Variants in TRERF1 observed in about 807,000 individuals in gnomAD.
TRERF1 encodes the protein transcriptional regulating factor 1.
A neutral mutation model predicts 122.9 loss-of-function variants in TRERF1; 27 were observed. That is an observed-to-expected ratio of 0.22 (90% confidence interval 0.16 to 0.30). TRERF1 has a LOEUF of 0.30. Ranked by LOEUF, TRERF1 falls within the 10% of genes least tolerant of loss-of-function variation. The pLI is 1.00. For missense variants in TRERF1, 1,248 were observed against 1,560.3 expected (o/e 0.80, Z 3.37); for synonymous variants, 636 against 641.7 (o/e 0.99, Z 0.13).
chr6:42,233,745 T>G (rs73733122), intron 16 of TRERF1, among the ~76,000 whole-genome samples: 1 of 152,058 alleles, frequency 6.6e-6, no homozygotes, highest in African/African-American at 2.4e-5. Context: ...ATGGAGACAG[T>G]GCCCCAGAAT....
At position 42,268,421 on chromosome 6, in the gene TRERF1, GA is replaced by G; in HGVS notation, c.1169del (p.Leu390ProfsTer18). On this transcript the variant is annotated frameshift_variant, in exon 5 of 18. Coordinates refer to ENST00000372922, the Ensembl canonical transcript of TRERF1. LOFTEE classifies it high-confidence loss of function. This position sits in a 1 kb window ranked among gnomAD's most constrained non-coding sequence, Gnocchi z 4.4. ...GCTGGGACAGGTGGCTCTGCTGGTA[GA>G]GGGGGTGGCTGTAGGGCTGCTGGGG... 6.4e-7 allele frequency: 1 copy of G among 1,562,542 alleles called. No individual in the cohort carries two copies. The highest frequency in any genetic ancestry group is 2.2e-5 in the East Asian group (1 of 44,486).
At chr6:42,361,629 T>C (rs1211200324) in intron 3 of TRERF1, among the ~76,000 whole-genome samples, 1 of 152,168 alleles carries the variant, frequency 6.6e-6, no homozygotes, top group Non-Finnish European at 1.5e-5. Context: ...CACATCTACG[T>C]AGCTGACCTC....
intron 4 of TRERF1, among the ~76,000 whole-genome samples, chr6:42,280,596 C>A (rs13192360): frequency 0.027 from 4,160 of 152,278 alleles, 57 homozygotes; most frequent in Non-Finnish European, 0.037. Flanking sequence ...CCGTGCCTGA[C>A]GACATCTCCC....
In TRERF1 at chr6:42,286,462, C is replaced by A. The variant is rs1433346152; in HGVS notation, c.-259+14176G>T. Among the ~76,000 whole-genome samples the A allele has an allele frequency of 6.4e-5, 9 of 141,464 alleles. No individual in the cohort carries two copies. The East Asian group carries it at 1.8e-3, about 29-fold the overall frequency. 92.8% of individuals were successfully genotyped at this position (141,464 alleles called of 152,430 possible). On this transcript the variant is annotated intron_variant, in intron 4 of 17. Transcript: ENST00000372922. ...ATTTACAAGAAAAAAACAAACAACC[C>A]CATCAAAAAGTGGGCGAAGGACATG...
intron 8 of TRERF1, among the ~76,000 whole-genome samples, chr6:42,260,125 G>A (rs1777565083): frequency 6.6e-6 from 1 of 152,076 alleles, no homozygotes; most frequent in African/African-American, 2.4e-5. Context: ...GTTCTGAGAA[G>A]GGGACAGAAT....
chr6:42,249,787 T>C (rs543971372), intron 13 of TRERF1, among the ~76,000 whole-genome samples: 1 of 152,300 alleles, frequency 6.6e-6, no homozygotes. Flanking sequence ...CAAATGATAG[T>C]GCTCTGTGTG....
At chr6:42,318,937 C>T (rs1057256898) in intron 3 of TRERF1, among the ~76,000 whole-genome samples, 2 of 152,240 alleles carry the variant, frequency 1.3e-5, no homozygotes, top group Non-Finnish European at 2.9e-5. Context: ...TTCCCATCTC[C>T]TCCTGCAGCA....
intron 2 of TRERF1, among the ~76,000 whole-genome samples, chr6:42,450,295 C>G (rs1429993147): frequency 6.6e-6 from 1 of 152,226 alleles, no homozygotes; most frequent in Admixed American, 6.5e-5. Flanking sequence ...CCTCAATGAC[C>G]TGCTGAAAAG....
intron 3 of TRERF1, among the ~76,000 whole-genome samples, chr6:42,328,108 C>T (rs565255963): frequency 6.7e-6 from 1 of 148,742 alleles, no homozygotes; most frequent in African/African-American, 2.5e-5. Context: ...CGGGTTCAGG[C>T]GATTCTCATG....
At chr6:42,225,204 T>C (rs1769350334), downstream of TRERF1, 1 of 137,906 alleles carries the variant, frequency 7.3e-6, no homozygotes, top group South Asian at 2.1e-4. Context: ...AGTTTCCTTT[T>C]TTTTTCTTTT....
intron 2 of TRERF1, among the ~76,000 whole-genome samples, chr6:42,413,081 C>G (rs1781343934): frequency 6.6e-6 from 1 of 152,190 alleles, no homozygotes; most frequent in Non-Finnish European, 1.5e-5. Flanking sequence ...AGCCACAAAC[C>G]ATCTTCTACC....
At chr6:42,229,440 C>T (rs150096834) in intron 17 of TRERF1, among the ~76,000 whole-genome samples, 5 of 152,292 alleles carry the variant, frequency 3.3e-5, no homozygotes, top group East Asian at 1.9e-4. Flanking sequence ...GCCCAACCCA[C>T]GGTCAAAATT....
intron 3 of TRERF1, among the ~76,000 whole-genome samples, chr6:42,347,897 C>T (rs1359789499): frequency 1.3e-5 from 2 of 152,126 alleles, no homozygotes; most frequent in East Asian, 1.9e-4. Flanking sequence ...TAATACCGAA[C>T]GGGGAGCATT....
intron 2 of TRERF1, among the ~76,000 whole-genome samples, chr6:42,434,069 C>G (rs574482741): frequency 6.6e-6 from 1 of 151,764 alleles, no homozygotes; most frequent in East Asian, 1.9e-4. Context: ...TGCTTGACAA[C>G]AAAAAGGAAT....
intron 13 of TRERF1, among the ~76,000 whole-genome samples, chr6:42,248,047 G>A (rs866674338): frequency 1.4e-4 from 21 of 152,162 alleles, no homozygotes; most frequent in African/African-American, 5.1e-4. Context: ...TGCAGTACAG[G>A]AAACCCTAAT....
intron 17 of TRERF1, among the ~76,000 whole-genome samples, chr6:42,230,833 C>T (rs1770407105): frequency 6.6e-6 from 1 of 152,142 alleles, no homozygotes; most frequent in South Asian, 2.1e-4. Flanking sequence ...TCAAGCTGGG[C>T]TTAATCAGAC....
In TRERF1 at chr6:42,446,499, A is replaced by G. The variant is rs571906266; in HGVS notation, c.-454+4678T>C. ...TGGTTTCATCAGAGCACTGATCACAATTGGCAAGCTGTATTTCTTTACATG... is the reference window on the plus strand; with the variant it reads ...TGGTTTCATCAGAGCACTGATCACAGTTGGCAAGCTGTATTTCTTTACATG... On this transcript the variant is annotated intron_variant, in intron 2 of 17. Transcript: ENST00000372922. Among the ~76,000 whole-genome samples the G allele has an allele frequency of 3.3e-5, 5 of 152,276 alleles. No individual in the cohort carries two copies. In the East Asian group the frequency reaches 9.6e-4, roughly 29 times the overall value.
intron 16 of TRERF1, among the ~76,000 whole-genome samples, chr6:42,233,267 G>C (rs112944307): frequency 6.6e-6 from 1 of 151,160 alleles, no homozygotes; most frequent in African/African-American, 2.4e-5. Context: ...GAGAGGGCTG[G>C]ACCAGCTTTC....
intron 2 of TRERF1, among the ~76,000 whole-genome samples, chr6:42,439,087 A>C (rs985383982): frequency 3.9e-5 from 6 of 152,244 alleles, no homozygotes; most frequent in African/African-American, 1.4e-4. Flanking sequence ...ATGGCAGGCC[A>C]TGCCGTAGAA....
Sources: gnomAD v4.1 joint callset for allele counts (sites outside exome capture counted in the v4.1 genomes callset) on GRCh38, gnomAD v4.1.1 for gene constraint, Gnocchi (gnomAD v3.1) non-coding constraint, MANE v1.5 for transcripts, NCBI Gene and HGNC (gene_info 2026-07-23, HGNC 2026-07-21) for gene names.